Variants in HYPK observed in about 807,000 individuals in gnomAD.
HYPK encodes the protein huntingtin-interacting protein K.
In HYPK, 9 loss-of-function variants were observed where a neutral mutation model predicts 13.9. The observed-to-expected ratio is 0.65, with a 90% CI of 0.39 to 1.13. HYPK has a LOEUF of 1.13. HYPK is among the 50% of genes most tolerant of loss of function. The pLI is 0.01. For missense variants in HYPK, 138 were observed against 157.6 expected (o/e 0.88, Z 0.67); for synonymous variants, 76 against 57.0 (o/e 1.33, Z -1.50).
At position 43,801,810 on chromosome 15, in the gene HYPK, G is replaced by C. The variant is rs547320831; in HGVS notation, c.*4G>C. The C allele has an allele frequency of 1.2e-6, 2 of 1,613,530 alleles. No individual in the cohort carries two copies. The highest frequency in any genetic ancestry group is 3.3e-5 in the Admixed American group (2 of 60,014). On this transcript the variant is annotated 3_prime_UTR_variant, in exon 4 of 4. Coordinates refer to ENST00000442995, the MANE Select transcript of HYPK (RefSeq NM_016400.4). ...GCTTATTGCCCTAACCAACTGATGC[G>C]TGCTTTCTCAAATATACCTACTGGA...
rs748364888 is a variant in HYPK, at chr15:43,801,799, C to T, written c.359C>T (p.Thr120Ile). Residue 120 changes from threonine (T) to isoleucine (I), a missense_variant, in exon 4 of 4, where the codon ACC becomes ATC. By Grantham distance (89) the Thr-to-Ile change is moderately conservative. Around this residue, in one of 3 missense-constraint regions of HYPK, gnomAD observed 91 missense variants for 96.8 expected, o/e 0.94. Transcript: ENST00000442995. ...GNVVEALIAL[T>I]N ...GTGGTAGAGGCGCTTATTGCCCTAACCAACTGATGCGTGCTTTCTCAAATA... is the reference window on the plus strand; with the variant it reads ...GTGGTAGAGGCGCTTATTGCCCTAATCAACTGATGCGTGCTTTCTCAAATA... The T allele has an allele frequency of 6.2e-7, 1 of 1,613,998 alleles. No individual in the cohort carries two copies. Among genetic ancestry groups the T allele is most frequent in the South Asian group, 1.1e-5 (1 of 91,068 alleles).
chr15:43,800,576 G>C, upstream of HYPK: 1 of 1,612,544 alleles, frequency 6.2e-7, no homozygotes, highest in East Asian at 2.2e-5. Context: ...TCAGTTGCCG[G>C]AAGTCGGCGT....
chr15:43,800,721 G>C lies in HYPK; in HGVS notation c.99G>C (p.Ala33=), dbSNP rs762095130. ...CACGGAAACATGACAGCGGTGCGGC[G>C]GACTTGGAGCGGGTCACCGACTATG... is the stretch of plus-strand genomic sequence containing the variant. ...EKPRKHDSGA[A]DLERVTDYAE... The change falls in exon 1 of 4, where the codon GCG becomes GCC. Residue 33 remains alanine, a synonymous_variant. Coordinates refer to ENST00000442995, the MANE Select transcript of HYPK (RefSeq NM_016400.4). 4.9e-5 allele frequency: 79 copies of C among 1,613,832 alleles called. No homozygotes were observed. Among genetic ancestry groups the C allele is most frequent in the Non-Finnish European group, 6.0e-5 (71 of 1,180,004 alleles).
In HYPK at chr15:43,803,403, A is replaced by C. The variant is rs2087339575; in HGVS notation, c.*1597A>C. Among the ~76,000 whole-genome samples the C allele has an allele frequency of 6.6e-6, 1 of 152,118 alleles. No individual in the cohort carries two copies. Among genetic ancestry groups the C allele is most frequent in the African/African-American group, 2.4e-5 (1 of 41,428 alleles). ...GCAAGACTGTCTCAAAACGAAAAAAACCTATGAAAGGTTTTGATTGGTATT... is the reference window on the plus strand; with the variant it reads ...GCAAGACTGTCTCAAAACGAAAAAACCCTATGAAAGGTTTTGATTGGTATT... On this transcript the variant is annotated 3_prime_UTR_variant, in exon 4 of 4. Coordinates refer to ENST00000442995, the MANE Select transcript of HYPK (RefSeq NM_016400.4).
At position 43,804,029 on chromosome 15, in the gene HYPK, T is replaced by C. The variant is rs1163893824; in HGVS notation, c.*2223T>C. Among the ~76,000 whole-genome samples the C allele has an allele frequency of 6.6e-6, 1 of 151,872 alleles. No individual in the cohort carries two copies. ...AGCCAGGCATGGTGGCAGGCGCCTGTAGTCCCAGCTACTCGGGAGGCTGAG... is the reference window on the plus strand; with the variant it reads ...AGCCAGGCATGGTGGCAGGCGCCTGCAGTCCCAGCTACTCGGGAGGCTGAG... On this transcript the variant is annotated 3_prime_UTR_variant, in exon 4 of 4. Transcript: ENST00000442995.
chr15:43,802,591 A>AAAAAAAAAAAAAAG lies in HYPK; in HGVS notation c.*785_*786insAAAAAAAAAAAAAG, dbSNP rs1350634034. On this transcript the variant is annotated 3_prime_UTR_variant, in exon 4 of 4. Coordinates refer to ENST00000442995, the MANE Select transcript of HYPK (RefSeq NM_016400.4). The stretch of plus-strand genomic sequence containing the variant: ...TCTCAAAAAAAAAAAAAAAAAAAAA[A>AAAAAAAAAAAAAAG]GCCCGGGCACAGTGGCTCACACCTG... 2 of 134,552 alleles carry AAAAAAAAAAAAAAG rather than the reference A, an allele frequency of 1.5e-5. No individual in the cohort carries two copies. The highest frequency in any genetic ancestry group is 5.8e-5 in the African/African-American group (2 of 34,432). 8.3% of individuals were successfully genotyped at this position (134,552 alleles called of 1,614,324 possible). A position where few individuals can be genotyped will look rare whatever the true frequency, so the allele number is the denominator to read the frequency against.
At position 43,801,302 on chromosome 15, in the gene HYPK, C is replaced by T. The variant is rs1284137011; in HGVS notation, c.218+115C>T. The T allele has an allele frequency of 5.0e-6, 5 of 990,402 alleles. No individual in the cohort carries two copies. In the East Asian group the frequency reaches 1.3e-4, roughly 25 times the overall value. The allele number at this position is 990,402 out of a possible 1,614,324, so 61.4% of individuals were successfully genotyped here. Reference sequence around the variant, plus strand: ...TCTTCAAATTTATCACCAATTCCTGCAGATCTAGGCGCCACAACTTTACTC... The same window carrying T: ...TCTTCAAATTTATCACCAATTCCTGTAGATCTAGGCGCCACAACTTTACTC... On this transcript the variant is annotated intron_variant, in intron 2 of 3. Coordinates refer to ENST00000442995, the MANE Select transcript of HYPK (RefSeq NM_016400.4).
chr15:43,801,335 CAGA>C (rs1366072651), intron 2 of HYPK, 148 bp downstream of exon 2: 2 of 858,386 alleles, frequency 2.3e-6, no homozygotes, highest in African/African-American at 3.4e-5. Context: ...CTCTTGTTAG[CAGA>C]AGGCCTCCTG....
rs2087322220 is a variant in HYPK, at chr15:43,801,874, G to T, written c.*68G>T. On this transcript the variant is annotated 3_prime_UTR_variant, in exon 4 of 4. Coordinates refer to ENST00000442995, the MANE Select transcript of HYPK (RefSeq NM_016400.4). ...ATAAAATTTTTTTTTGTCTTTTTCA[G>T]TTTTATCATCTTGGGTCAAGTAGAG... The T allele has an allele frequency of 4.5e-6, 6 of 1,331,062 alleles. No homozygotes were observed. Among genetic ancestry groups the T allele is most frequent in the Non-Finnish European group, 6.5e-6 (6 of 928,646 alleles). 82.5% of individuals were successfully genotyped at this position (1,331,062 alleles called of 1,614,324 possible).
Position 43,802,789 on chromosome 15 carries a change from A to G in HYPK, c.*983A>G, listed in dbSNP as rs2087333473. 1 of 151,990 alleles carries G rather than the reference A, an allele frequency of 6.6e-6. No homozygotes were observed. The allele number at this position is 151,990 out of a possible 1,614,324, so 9.4% of individuals were successfully genotyped here. A position where few individuals can be genotyped will look rare whatever the true frequency, so the allele number is the denominator to read the frequency against. ...CAGCTACTCAGGAGGCTGAAGCAGAAGAATTGCTTGAACCAGGGAGGCGGA... is the reference window on the plus strand; with the variant it reads ...CAGCTACTCAGGAGGCTGAAGCAGAGGAATTGCTTGAACCAGGGAGGCGGA... On this transcript the variant is annotated 3_prime_UTR_variant, in exon 4 of 4. Coordinates refer to ENST00000442995, the MANE Select transcript of HYPK (RefSeq NM_016400.4).
At position 43,800,635 on chromosome 15, in the gene HYPK, G is replaced by A; in HGVS notation, c.13G>A (p.Gly5Arg). The A allele has an allele frequency of 1.2e-6, 2 of 1,614,188 alleles. No individual in the cohort carries two copies. The highest frequency in any genetic ancestry group is 1.7e-6 in the Non-Finnish European group (2 of 1,180,028). ...TGGTGAAATAGATATGGCGACCGAG[G>A]GGGATGTGGAGCTGGAGTTGGAGAC... MATE[G>R]DVELELETET... The change falls in exon 1 of 4, where the codon GGG (glycine) becomes AGG (arginine). Residue 5 changes from glycine to arginine, a missense_variant. By Grantham distance (125) the Gly-to-Arg change is moderately radical. Around this residue, in one of 3 missense-constraint regions of HYPK, gnomAD observed 43 missense variants for 30.4 expected, o/e 1.41. Transcript: ENST00000442995.
At position 43,800,687 on chromosome 15, in the gene HYPK, CGGA is replaced by C; in HGVS notation, c.67_69del (p.Glu23del). On this transcript the variant is annotated inframe_deletion, in exon 1 of 4. Transcript: ENST00000442995. ...GAGACCAGTGGACCAGAGCGGCCTC[CGGA>C]GAAGCCACGGAAACATGACAGCGGT... 6.2e-7 allele frequency: 1 copy of C among 1,613,958 alleles called. No individual in the cohort carries two copies. Among genetic ancestry groups the C allele is most frequent in the Non-Finnish European group, 8.5e-7 (1 of 1,179,984 alleles).
upstream of HYPK, chr15:43,800,526 C>T: frequency 5.3e-6 from 8 of 1,516,316 alleles, no homozygotes; most frequent in Non-Finnish European, 6.3e-6. Flanking sequence ...GAAGGTGTGG[C>T]CCAGGGCCAG....
Position 43,801,901 on chromosome 15 carries a change from GTATACTA to G in HYPK, c.*99_*105del. Reference sequence around the variant, plus strand: ...TTTATCATCTTGGGTCAAGTAGAGTGTATACTATATCCTATGTTGTGGAGAATTTATA... The same window carrying G: ...TTTATCATCTTGGGTCAAGTAGAGTGTATCCTATGTTGTGGAGAATTTATA... On this transcript the variant is annotated 3_prime_UTR_variant, in exon 4 of 4. Transcript: ENST00000442995. The G allele has an allele frequency of 1.1e-6, 1 of 932,202 alleles. No homozygotes were observed. Among genetic ancestry groups the G allele is most frequent in the South Asian group, 1.4e-5 (1 of 72,646 alleles). The allele number at this position is 932,202 out of a possible 1,614,324, so 57.7% of individuals were successfully genotyped here.
chr15:43,801,471 T>C (rs1309030199), intron 2 of HYPK, 47 bp from the exon 3 acceptor site: 2 of 1,486,320 alleles, frequency 1.3e-6, no homozygotes, highest in South Asian at 2.3e-5. Context: ...TGGGAGTTTA[T>C]GGTGTTGGTT....
In HYPK at chr15:43,801,906, C is replaced by T. The variant is rs2087322610; in HGVS notation, c.*100C>T. ...CATCTTGGGTCAAGTAGAGTGTATA[C>T]TATATCCTATGTTGTGGAGAATTTA... is the stretch of plus-strand genomic sequence containing the variant. On this transcript the variant is annotated 3_prime_UTR_variant, in exon 4 of 4. Coordinates refer to ENST00000442995, the MANE Select transcript of HYPK (RefSeq NM_016400.4). The T allele has an allele frequency of 1.1e-6, 1 of 881,974 alleles. No homozygotes were observed. The highest frequency in any genetic ancestry group is 2.1e-5 in the Admixed American group (1 of 46,592). 54.6% of individuals were successfully genotyped at this position (881,974 alleles called of 1,614,324 possible). A position where few individuals can be genotyped will look rare whatever the true frequency, so the allele number is the denominator to read the frequency against.
At chr15:43,800,593 G>A (rs940948215), upstream of HYPK, 1 of 1,613,566 alleles carries the variant, frequency 6.2e-7, no homozygotes, top group African/African-American at 1.3e-5. Flanking sequence ...GCGTGAGGTG[G>A]GGCTTATGCG....
In HYPK at chr15:43,801,622, T is replaced by C. The variant is rs934919485; in HGVS notation, c.270+53T>C. On this transcript the variant is annotated intron_variant, in intron 3 of 3. Coordinates refer to ENST00000442995, the MANE Select transcript of HYPK (RefSeq NM_016400.4). ...GCGGAGGGGAGGCTATTCTGCTTAA[T>C]TTGGGTTGTTTCCTGAAACAAGCGG... The C allele has an allele frequency of 1.9e-6, 3 of 1,607,108 alleles. No homozygotes were observed. The African/African-American group carries it at 4.0e-5, about 21-fold the overall frequency.
Position 43,801,833 on chromosome 15 carries a change from G to T in HYPK, c.*27G>T. Reference sequence around the variant, plus strand: ...GCGTGCTTTCTCAAATATACCTACTGGATTAATTTATGGCAATAAAATTTT... The same window carrying T: ...GCGTGCTTTCTCAAATATACCTACTTGATTAATTTATGGCAATAAAATTTT... On this transcript the variant is annotated 3_prime_UTR_variant, in exon 4 of 4. Coordinates refer to ENST00000442995, the MANE Select transcript of HYPK (RefSeq NM_016400.4). 6.3e-7 allele frequency: 1 copy of T among 1,598,666 alleles called. No homozygotes were observed. The highest frequency in any genetic ancestry group is 1.3e-5 in the African/African-American group (1 of 74,546).
Sources: allele counts gnomAD v4.1 joint callset (sites outside exome capture counted in the v4.1 genomes callset), GRCh38; gene constraint gnomAD v4.1.1; regional missense constraint gnomAD v4.1.1; transcripts MANE v1.5; gene names NCBI Gene and HGNC (gene_info 2026-07-23, HGNC 2026-07-21).